The following PPP1R16B variants were observed in gnomAD, a reference collection of about 807,000 sequenced individuals.
The protein encoded by PPP1R16B is protein phosphatase 1 regulatory subunit 16B, also known as protein phosphatase 1 regulatory inhibitor subunit 16B.
A neutral mutation model predicts 61.7 loss-of-function variants in PPP1R16B; 14 were observed. The ratio of observed to expected loss-of-function variants is 0.23; its 90% CI spans 0.15 to 0.35. The LOEUF (loss-of-function observed/expected upper bound fraction) is 0.35, where lower values mean the gene tolerates loss of function less well. Ranked by LOEUF, PPP1R16B falls within the 10% of genes least tolerant of loss-of-function variation. PPP1R16B has a pLI of 1.00. For synonymous variants in PPP1R16B, 266 were observed against 305.3 expected, an observed-to-expected ratio of 0.87 and a Z score of 1.34; for missense variants, 547 against 752.5, an observed-to-expected ratio of 0.73 and a Z score of 3.19.
intron 2 of PPP1R16B, among the ~76,000 whole-genome samples, chr20:38,838,817 G>A (rs1249767541): frequency 6.6e-6 from 1 of 152,222 alleles, no homozygotes; most frequent in Non-Finnish European, 1.5e-5. Context: ...CTGATGTCTT[G>A]TTTCCTGGTT....
intron 2 of PPP1R16B, among the ~76,000 whole-genome samples, chr20:38,847,015 A>G (rs2084939801): frequency 6.6e-6 from 1 of 152,104 alleles, no homozygotes; most frequent in Admixed American, 6.5e-5. Flanking sequence ...AAAACTAAAT[A>G]AATAAAATAA....
intron 7 of PPP1R16B, among the ~76,000 whole-genome samples, chr20:38,906,581 G>A (rs1424772437): frequency 6.6e-6 from 1 of 152,074 alleles, no homozygotes; most frequent in East Asian, 1.9e-4. Flanking sequence ...ACCATGCCTG[G>A]CTGACAAGTT....
intron 7 of PPP1R16B, 104 bp downstream of exon 7, chr20:38,906,198 A>G: frequency 7.7e-7 from 1 of 1,299,300 alleles, no homozygotes; most frequent in South Asian, 1.5e-5. Context: ...TAAGACTTTA[A>G]GGCTTAAGGT....
intron 1 of PPP1R16B, among the ~76,000 whole-genome samples, chr20:38,828,665 G>C (rs1473719829): frequency 2.6e-5 from 4 of 152,232 alleles, no homozygotes; most frequent in African/African-American, 9.6e-5. Context: ...CCAGTTCACA[G>C]ATTGTGAGAA....
At chr20:38,856,880 G>A (rs1011791780) in intron 2 of PPP1R16B, among the ~76,000 whole-genome samples, 1 of 152,202 alleles carries the variant, frequency 6.6e-6, no homozygotes, top group Non-Finnish European at 1.5e-5. Flanking sequence ...TCTACATGGA[G>A]CATTTCTCCT....
At position 38,900,677 on chromosome 20, in the gene PPP1R16B, A is replaced by G. The variant is rs2085385310; in HGVS notation, c.564A>G (p.Ala188=). The change falls in exon 5 of 11, where the codon GCA becomes GCG. Residue 188 remains alanine, a synonymous_variant. Coordinates refer to ENST00000299824, the MANE Select transcript of PPP1R16B (RefSeq NM_015568.4). ...PTLDVIETCM[A]YQGITQEKIN... is the part of the protein sequence containing the mutation. ...TGGATGTCATCGAGACCTGCATGGC[A>G]TACCAGGGTAAGGGAGGGCAGCCTG... 1.9e-6 allele frequency: 3 copies of G among 1,582,664 alleles called. No homozygotes were observed. Among genetic ancestry groups the G allele is most frequent in the South Asian group, 2.4e-5 (2 of 84,984 alleles).
intron 7 of PPP1R16B, among the ~76,000 whole-genome samples, chr20:38,906,592 G>A (rs945727516): frequency 6.6e-6 from 1 of 152,168 alleles, no homozygotes; most frequent in Non-Finnish European, 1.5e-5. Flanking sequence ...CTGACAAGTT[G>A]TGTTCTAATA....
At chr20:38,881,177 A>C (rs76367370) in intron 2 of PPP1R16B, among the ~76,000 whole-genome samples, 14,689 of 152,268 alleles carry the variant, frequency 0.096, 842 homozygotes, top group Admixed American at 0.15. Flanking sequence ...CAGCCACTGC[A>C]GAAACCACCA....
chr20:38,899,311 C>T (rs2085374002), intron 4 of PPP1R16B, among the ~76,000 whole-genome samples: 1 of 152,180 alleles, frequency 6.6e-6, no homozygotes, highest in South Asian at 2.1e-4. Flanking sequence ...CAGATGGCCA[C>T]AGCCTGATCA....
intron 3 of PPP1R16B, among the ~76,000 whole-genome samples, chr20:38,893,202 A>G (rs754621296): frequency 6.6e-6 from 1 of 152,196 alleles, no homozygotes; most frequent in Admixed American, 6.5e-5. Context: ...AGCATTAGAC[A>G]TTGTTATTGA....
rs139057504 is a variant in PPP1R16B, at chr20:38,826,930, A to C, written c.-101-8895A>C. 2.1e-3 allele frequency among the ~76,000 whole-genome samples: 326 copies of C among 152,154 alleles called. 2 individuals are homozygous for C. Among genetic ancestry groups the C allele is most frequent in the African/African-American group, 7.6e-3 (316 of 41,482 alleles). ...AGTTGTTCTTTTTAAAAAATTATTC[A>C]TGTATTTATTTTTTAAATGATTTAT... On this transcript the variant is annotated intron_variant, in intron 1 of 10. Coordinates refer to ENST00000299824, the MANE Select transcript of PPP1R16B (RefSeq NM_015568.4).
chr20:38,901,776 G>A (rs558319001), intron 5 of PPP1R16B, among the ~76,000 whole-genome samples: 14 of 152,314 alleles, frequency 9.2e-5, no homozygotes, highest in South Asian at 4.1e-4. Context: ...ATATTAAAGC[G>A]TAAGTACCAA....
chr20:38,888,677 C>A (rs2085265201), intron 2 of PPP1R16B, among the ~76,000 whole-genome samples: 1 of 152,104 alleles, frequency 6.6e-6, no homozygotes, highest in South Asian at 2.1e-4. Context: ...GGGAAGGGGC[C>A]TGCAGGGCTG....
intron 2 of PPP1R16B, among the ~76,000 whole-genome samples, chr20:38,887,014 G>A (rs2085249749): frequency 6.6e-6 from 1 of 152,158 alleles, no homozygotes; most frequent in Admixed American, 6.5e-5. Context: ...AGCCTGGGGA[G>A]TTTAAGCTGA....
Position 38,806,286 on chromosome 20 carries a change from G to T in PPP1R16B, c.-102+494G>T, listed in dbSNP as rs558749759. On this transcript the variant is annotated intron_variant, in intron 1 of 10. Coordinates refer to ENST00000299824, the MANE Select transcript of PPP1R16B (RefSeq NM_015568.4). The surrounding 1 kb of genome is among the most constrained non-coding windows in gnomAD (Gnocchi z 4.5). ...GCTTGGTCCTGGCGGGCAGCGGCAG[G>T]GCGCAGAGAGCGCTCCTGCCCGGGC... is the stretch of plus-strand genomic sequence containing the variant. 2.2e-4 allele frequency among the ~76,000 whole-genome samples: 33 copies of T among 152,226 alleles called. No homozygotes were observed. Among genetic ancestry groups the T allele is most frequent in the African/African-American group, 7.0e-4 (29 of 41,570 alleles).
chr20:38,902,123 G>A (rs1376703936), intron 5 of PPP1R16B, among the ~76,000 whole-genome samples: 2 of 152,148 alleles, frequency 1.3e-5, no homozygotes, highest in Non-Finnish European at 2.9e-5. Context: ...AATGGGATTC[G>A]GGCTATACAA....
chr20:38,908,530 G>A (rs1429623535), intron 10 of PPP1R16B, among the ~76,000 whole-genome samples: 1 of 152,230 alleles, frequency 6.6e-6, no homozygotes, highest in Non-Finnish European at 1.5e-5. Flanking sequence ...GGACTTCCAA[G>A]GAGAGAGCTT....
intron 1 of PPP1R16B, among the ~76,000 whole-genome samples, chr20:38,822,900 C>T (rs2084781807): frequency 6.6e-6 from 1 of 152,048 alleles, no homozygotes; most frequent in Non-Finnish European, 1.5e-5. Context: ...CAAAGTGAAC[C>T]TGAGATTTTC....
intron 1 of PPP1R16B, among the ~76,000 whole-genome samples, chr20:38,828,841 C>G (rs1033646018): frequency 8.5e-5 from 13 of 152,198 alleles, no homozygotes; most frequent in Non-Finnish European, 1.9e-4. Flanking sequence ...TGTAGTTTTC[C>G]CAGAGGTATA....
Sources: gnomAD v4.1 joint callset for allele counts (sites outside exome capture counted in the v4.1 genomes callset) on GRCh38, gnomAD v4.1.1 for gene constraint, Gnocchi (gnomAD v3.1) non-coding constraint, MANE v1.5 for transcripts, NCBI Gene and HGNC (gene_info 2026-07-23, HGNC 2026-07-21) for gene names.